The following FBN3 variants were observed in gnomAD, a reference collection of about 807,000 sequenced individuals.
FBN3 encodes fibrillin 3, also known as fibrillin-3.
A neutral mutation model predicts 330.1 loss-of-function variants in FBN3; 234 were observed. That is an observed-to-expected ratio of 0.71 (90% CI 0.64 to 0.79). The LOEUF (loss-of-function observed/expected upper bound fraction) is 0.79, where lower values mean the gene tolerates loss of function less well. Ranked by LOEUF, FBN3 falls within the 30% of genes least tolerant of loss-of-function variation. The pLI, the probability that FBN3 is intolerant of heterozygous loss-of-function variation, is 0.00. For missense variants in FBN3, 3,606 were observed against 3,886.9 expected (o/e 0.93, Z 1.92); for synonymous variants, 1,458 against 1,517.3 (o/e 0.96, Z 0.91).
intron 34 of FBN3, among the ~76,000 whole-genome samples, chr19:8,110,191 G>T (rs2082545106): frequency 6.6e-6 from 1 of 152,116 alleles, no homozygotes; most frequent in Non-Finnish European, 1.5e-5. Flanking sequence ...GAGTAGCTGG[G>T]ACTACAGGTG....
intron 13 of FBN3, among the ~76,000 whole-genome samples, chr19:8,135,019 C>G (rs1292000805): frequency 1.3e-5 from 2 of 151,282 alleles, no homozygotes; most frequent in Non-Finnish European, 2.9e-5. Flanking sequence ...AGGTCTGTCA[C>G]CTAGGCTAGA....
At position 8,129,064 on chromosome 19, in the gene FBN3, C is replaced by CG. The variant is rs755836480; in HGVS notation, c.2259dup (p.Gly754ArgfsTer69). On this transcript the variant is annotated frameshift_variant, in exon 18 of 64. Transcript: ENST00000600128. LOFTEE classifies it high-confidence loss of function. This position sits in a 1 kb window ranked among gnomAD's most constrained non-coding sequence, Gnocchi z 4.5. ...TCCGTGTCCTGCCAGAAGTGGAAGC[C>CG]GGGGGGGCAGGAGCAGCTGTAGCTG... The CG allele has an allele frequency of 1.7e-5, 27 of 1,604,000 alleles. No individual in the cohort carries two copies. Among genetic ancestry groups the CG allele is most frequent in the Admixed American group, 8.4e-5 (5 of 59,544 alleles).
chr19:8,135,748 C>A (rs1342728019), intron 13 of FBN3, among the ~76,000 whole-genome samples: 1 of 151,848 alleles, frequency 6.6e-6, no homozygotes, highest in African/African-American at 2.4e-5. Context: ...TTGTGATTCA[C>A]GGAATAAATT....
intron 1 of FBN3, 102 bp from the exon 2 acceptor site, chr19:8,147,599 C>T: frequency 9.5e-7 from 1 of 1,049,754 alleles, no homozygotes; most frequent in African/African-American, 1.6e-5. Flanking sequence ...ATGGGGCAGC[C>T]CCGGGGCCTC....
chr19:8,077,822 A>C (rs2081676424), intron 59 of FBN3, among the ~76,000 whole-genome samples: 1 of 152,138 alleles, frequency 6.6e-6, no homozygotes, highest in Non-Finnish European at 1.5e-5. Flanking sequence ...GTGGCCTGCA[A>C]TCCCAGCACT....
intron 47 of FBN3, among the ~76,000 whole-genome samples, chr19:8,093,709 C>A (rs2144714667): frequency 6.6e-6 from 1 of 152,274 alleles, no homozygotes; most frequent in South Asian, 2.1e-4. Flanking sequence ...ATCTCTTGAA[C>A]CCGGGAGGTG....
rs753884543 is a variant in FBN3, at chr19:8,085,616, T to C, written c.6881-47A>G. 45 of 1,426,568 alleles carry C rather than the reference T, an allele frequency of 3.2e-5. 1 individual carries two copies. The South Asian group carries it at 6.2e-4, about 20-fold the overall frequency. 88.4% of individuals were successfully genotyped at this position (1,426,568 alleles called of 1,614,324 possible). The stretch of plus-strand genomic sequence containing the variant: ...ACAACGGTCACTCCAGGAGGCTGGT[T>C]TGGGGGCAAAGACTGAGCTTGCTTT... On this transcript the variant is annotated intron_variant, in intron 55 of 63. Coordinates refer to ENST00000600128, the MANE Select transcript of FBN3 (RefSeq NM_032447.5).
chr19:8,115,309 TG>T (rs1437760846), intron 30 of FBN3, among the ~76,000 whole-genome samples: 1 of 152,344 alleles, frequency 6.6e-6, no homozygotes, highest in East Asian at 1.9e-4. Context: ...TGCAGACACT[TG>T]GGGCTTCCCT....
Position 8,066,154 on chromosome 19 carries a change from C to T in FBN3, c.8195G>A (p.Gly2732Asp), listed in dbSNP as rs1284406906. 3.1e-6 allele frequency: 5 copies of T among 1,613,002 alleles called. No homozygotes were observed. The highest frequency in any genetic ancestry group is 1.7e-6 in the Non-Finnish European group (2 of 1,179,814). The change falls in exon 64 of 64, where the codon GGT becomes GAT. Residue 2732 changes from glycine to aspartate, a missense_variant. Physicochemically the swap from Gly to Asp is moderately conservative, Grantham distance 94. Coordinates refer to ENST00000600128, the MANE Select transcript of FBN3 (RefSeq NM_032447.5). ...RILELRPALE[G>D]LEGRIRYVIV... ...GACGTAGCGGATCCGGCCCTCTAGA[C>T]CCTCCAGGGCCGGCCGGAGCTCCAG...
Position 8,096,764 on chromosome 19 carries a change from C to T in FBN3, c.5413+117G>A. ...TATTAACAGACACTCTCAATACATCCCCCACCCCCCTAATAGTATAGAAAA... is the reference window on the plus strand; with the variant it reads ...TATTAACAGACACTCTCAATACATCTCCCACCCCCCTAATAGTATAGAAAA... On this transcript the variant is annotated intron_variant, in intron 43 of 63. Coordinates refer to ENST00000600128, the MANE Select transcript of FBN3 (RefSeq NM_032447.5). This position sits in a 1 kb window ranked among gnomAD's most constrained non-coding sequence, Gnocchi z 4.6. The T allele has an allele frequency of 7.5e-7, 1 of 1,340,952 alleles. No homozygotes were observed. The highest frequency in any genetic ancestry group is 1.0e-6 in the Non-Finnish European group (1 of 974,738). 83.1% of individuals were successfully genotyped at this position (1,340,952 alleles called of 1,614,324 possible).
At chr19:8,138,706 A>G (rs2083345203) in intron 8 of FBN3, 142 bp from the exon 9 acceptor site, 1 of 864,476 alleles carries the variant, frequency 1.2e-6, no homozygotes, top group Admixed American at 2.8e-5. Flanking sequence ...TAAAATGGGG[A>G]TGCTTGGAGC....
Position 8,111,961 on chromosome 19 carries a change from G to A in FBN3, c.3961+16C>T. On this transcript the variant is annotated intron_variant, in intron 31 of 63. Transcript: ENST00000600128. The stretch of plus-strand genomic sequence containing the variant: ...CTCTACTGCTTTGCCCCCACTCCCT[G>A]CCCCCAGGTACTCACCGTGACATTC... 1 of 1,457,844 alleles carries A rather than the reference G, an allele frequency of 6.9e-7. No homozygotes were observed. Among genetic ancestry groups the A allele is most frequent in the Non-Finnish European group, 9.3e-7 (1 of 1,080,008 alleles). 90.3% of individuals were successfully genotyped at this position (1,457,844 alleles called of 1,614,324 possible).
At chr19:8,147,008 C>G (rs1437967295) in intron 3 of FBN3, 96 bp downstream of exon 3, 5 of 1,177,076 alleles carry the variant, frequency 4.2e-6, no homozygotes, top group Non-Finnish European at 6.1e-6. Context: ...CCAGAGGTCC[C>G]TGGCTAAGTC....
At chr19:8,142,234 G>C (rs2083434803) in intron 6 of FBN3, 97 bp from the exon 7 acceptor site, 2 of 949,936 alleles carry the variant, frequency 2.1e-6, no homozygotes, top group Non-Finnish European at 3.1e-6. Context: ...TGCACCCACA[G>C]ACCAGGCTTT....
chr19:8,136,154 A>G (rs183057698), intron 12 of FBN3, 36 bp downstream of exon 12: 26,457 of 1,597,660 alleles, frequency 0.017, 292 homozygotes, highest in Middle Eastern at 0.051. Context: ...AGAACCCCCA[A>G]CAACATCACC....
chr19:8,075,616 A>T (rs910259173), intron 59 of FBN3, among the ~76,000 whole-genome samples: 5 of 151,674 alleles, frequency 3.3e-5, no homozygotes, highest in Non-Finnish European at 7.4e-5. Flanking sequence ...AAAGAATCTC[A>T]TCTCCACCGC....
chr19:8,138,296 C>G lies in FBN3; in HGVS notation c.1046G>C (p.Arg349Pro). The G allele has an allele frequency of 6.2e-7, 1 of 1,613,262 alleles. No homozygotes were observed. The highest frequency in any genetic ancestry group is 8.5e-7 in the Non-Finnish European group (1 of 1,179,738). Reference protein sequence around the residue: ...SNEFQQLCAQRLPLLPGHPGL... With the variant: ...SNEFQQLCAQPLPLLPGHPGL... The stretch of plus-strand genomic sequence containing the variant: ...AGGGTGGCCGGGTAGCAGCGGCAGC[C>G]GCTGGGCGCACAGTTGCTGGAATTC... The change falls in exon 10 of 64, where the codon CGG becomes CCG. Residue 349 changes from arginine (R) to proline (P), a missense_variant. Coordinates refer to ENST00000600128, the MANE Select transcript of FBN3 (RefSeq NM_032447.5).
rs764915489 is a variant in FBN3 at position 8,126,819 on chromosome 19, G to A, written c.2310C>T (p.Cys770=). The A allele has an allele frequency of 2.6e-6, 4 of 1,565,320 alleles. No homozygotes were observed. The East Asian group carries it at 6.7e-5, about 26-fold the overall frequency. Residue 770 remains cysteine (C), a synonymous_variant, in exon 19 of 64, where the codon TGC becomes TGT. Coordinates refer to ENST00000600128, the MANE Select transcript of FBN3 (RefSeq NM_032447.5). ...CGCCACTCACACACGGGCTGGACAG[G>A]CATTCGTCGACATCTGTGGGGACAG... ...DTEICKDVDE[C]LSSPCVSGVC...
At position 8,109,825 on chromosome 19, in the gene FBN3, G is replaced by C. The variant is rs773732107; in HGVS notation, c.4334-72C>G. The C allele has an allele frequency of 7.0e-7, 1 of 1,425,792 alleles. No individual in the cohort carries two copies. Among genetic ancestry groups the C allele is most frequent in the Admixed American group, 2.6e-5 (1 of 37,804 alleles). The allele number at this position is 1,425,792 out of a possible 1,614,324, so 88.3% of individuals were successfully genotyped here. On this transcript the variant is annotated intron_variant, in intron 34 of 63. Coordinates refer to ENST00000600128, the MANE Select transcript of FBN3 (RefSeq NM_032447.5). The surrounding 1 kb of genome is among the most constrained non-coding windows in gnomAD (Gnocchi z 5.2). ...CCCCCTCCCTCCTAGCTTCATCCTGGGAAGCTACAGCCCTCGCTCAAGGTC... is the reference window on the plus strand; with the variant it reads ...CCCCCTCCCTCCTAGCTTCATCCTGCGAAGCTACAGCCCTCGCTCAAGGTC...
Sources: allele counts gnomAD v4.1 joint callset (sites outside exome capture counted in the v4.1 genomes callset), GRCh38; gene constraint gnomAD v4.1.1; non-coding constraint Gnocchi (gnomAD v3.1); transcripts MANE v1.5; gene names NCBI Gene and HGNC (gene_info 2026-07-23, HGNC 2026-07-21).